The following NTRK2 variants were observed in gnomAD, a reference collection of about 807,000 sequenced individuals.
The protein encoded by NTRK2 is neurotrophic receptor tyrosine kinase 2.
A neutral mutation model predicts 94.5 loss-of-function variants in NTRK2; 13 were observed. The observed-to-expected ratio is 0.14, with a 90% CI of 0.09 to 0.22. The LOEUF (loss-of-function observed/expected upper bound fraction) is 0.22, where lower values mean the gene tolerates loss of function less well. NTRK2 is among the 10% of genes least tolerant of loss of function. The pLI is 1.00. For missense variants in NTRK2, 639 were observed against 1,071.2 expected (o/e 0.60, Z 5.63); for synonymous variants, 372 against 407.4 (o/e 0.91, Z 1.05).
chr9:85,021,807 G>C lies in NTRK2; in HGVS notation c.*370G>C, dbSNP rs1403481598. The C allele has an allele frequency of 1.9e-5, 6 of 312,312 alleles. No individual in the cohort carries two copies. Among genetic ancestry groups the C allele is most frequent in the Non-Finnish European group, 3.0e-5 (5 of 167,414 alleles). The allele number at this position is 312,312 out of a possible 1,614,324, so 19.3% of individuals were successfully genotyped here. On this transcript the variant is annotated 3_prime_UTR_variant, in exon 19 of 19. Transcript: ENST00000277120. ...TGCATAGACAAAGGCCTTAACAAACGTAATTTGTTATATCAGCAGACACTC... is the reference window on the plus strand; with the variant it reads ...TGCATAGACAAAGGCCTTAACAAACCTAATTTGTTATATCAGCAGACACTC...
At chr9:84,728,044 C>A in intron 9 of NTRK2, 85 bp downstream of exon 9, 1 of 1,263,166 alleles carries the variant, frequency 7.9e-7, no homozygotes, top group East Asian at 2.4e-5. Context: ...AATAAGCCAT[C>A]CCCCAACCTA....
intron 12 of NTRK2, chr9:84,813,882 A>G: frequency 9.4e-7 from 1 of 1,065,384 alleles, no homozygotes; most frequent in Non-Finnish European, 1.1e-6. Context: ...TATTATATTT[A>G]CTCATGGCTC....
At chr9:84,924,107 G>A (rs1587943682) in intron 14 of NTRK2, among the ~76,000 whole-genome samples, 1 of 152,096 alleles carries the variant, frequency 6.6e-6, no homozygotes, top group East Asian at 1.9e-4. Flanking sequence ...AGCTACTTGG[G>A]AGACTGAGGT....
At chr9:85,000,263 A>G (rs1043442630) in intron 17 of NTRK2, among the ~76,000 whole-genome samples, 1 of 152,130 alleles carries the variant, frequency 6.6e-6, no homozygotes, top group Non-Finnish European at 1.5e-5. Context: ...CCCAGAGTCC[A>G]TAGCTTACAT....
intron 12 of NTRK2, among the ~76,000 whole-genome samples, chr9:84,778,088 G>T (rs553274540): frequency 6.6e-6 from 1 of 152,180 alleles, no homozygotes; most frequent in East Asian, 1.9e-4. Flanking sequence ...ATGACAAAGC[G>T]CTGTCCCTAC....
chr9:84,684,444 A>G (rs1025469111), intron 2 of NTRK2, among the ~76,000 whole-genome samples: 1 of 152,202 alleles, frequency 6.6e-6, no homozygotes, highest in Non-Finnish European at 1.5e-5. Flanking sequence ...CATTTATTAA[A>G]CAGGGAATCC....
At chr9:84,845,674 A>G (rs2074433016) in intron 12 of NTRK2, among the ~76,000 whole-genome samples, 1 of 152,160 alleles carries the variant, frequency 6.6e-6, no homozygotes, top group Non-Finnish European at 1.5e-5. Context: ...AGGAATGAAA[A>G]ACCAAACACT....
intron 12 of NTRK2, among the ~76,000 whole-genome samples, chr9:84,787,408 T>C (rs1031686583): frequency 1.3e-5 from 2 of 152,144 alleles, no homozygotes; most frequent in African/African-American, 4.8e-5. Flanking sequence ...CTCAGTAGAC[T>C]CTAGACCCGG....
At chr9:84,946,407 A>G (rs141867316) in intron 15 of NTRK2, among the ~76,000 whole-genome samples, 10 of 152,312 alleles carry the variant, frequency 6.6e-5, no homozygotes, top group Non-Finnish European at 8.8e-5. Context: ...AGGGCTGGCA[A>G]TGCAGAAATG....
At chr9:84,685,863 TG>T (rs1361660537) in intron 2 of NTRK2, among the ~76,000 whole-genome samples, 4 of 152,222 alleles carry the variant, frequency 2.6e-5, no homozygotes, top group Non-Finnish European at 5.9e-5. Context: ...GTATCATCAG[TG>T]TGTGCCTGTG....
intron 14 of NTRK2, among the ~76,000 whole-genome samples, chr9:84,932,080 C>CG (rs2078057295): frequency 6.6e-6 from 1 of 152,188 alleles, no homozygotes; most frequent in African/African-American, 2.4e-5. Context: ...CATGAATTAT[C>CG]GGGGGGAAAG....
intron 14 of NTRK2, among the ~76,000 whole-genome samples, chr9:84,898,147 T>G (rs971592154): frequency 6.6e-6 from 1 of 152,132 alleles, no homozygotes; most frequent in Admixed American, 6.6e-5. Flanking sequence ...GGGAAATGAT[T>G]GTAGCTGATG....
Position 84,708,112 on chromosome 9 carries a change from A to G in NTRK2, c.428+200A>G, listed in dbSNP as rs144262215. 2.3e-3 allele frequency among the ~76,000 whole-genome samples: 354 copies of G among 152,384 alleles called. 3 individuals are homozygous for G. The highest frequency in any genetic ancestry group is 8.1e-3 in the African/African-American group (335 of 41,594). On this transcript the variant is annotated intron_variant, in intron 5 of 18. Coordinates refer to ENST00000277120, the MANE Select transcript of NTRK2 (RefSeq NM_006180.6). Reference sequence around the variant, plus strand: ...ATTTTTAAAATTCAGTAATTAAAAAAAATAGAAATCTCAGTAGTGACATAT... The same window carrying G: ...ATTTTTAAAATTCAGTAATTAAAAAGAATAGAAATCTCAGTAGTGACATAT...
At chr9:84,988,253 A>G (rs1588125946) in intron 17 of NTRK2, among the ~76,000 whole-genome samples, 1 of 152,212 alleles carries the variant, frequency 6.6e-6, no homozygotes, top group Admixed American at 6.5e-5. Context: ...ATAGGCTGCC[A>G]TGGCTGGAGG....
chr9:84,773,362 A>G (rs545781267), intron 12 of NTRK2, among the ~76,000 whole-genome samples: 1 of 152,358 alleles, frequency 6.6e-6, no homozygotes, highest in Admixed American at 6.5e-5. Context: ...TAATAAATAT[A>G]TAAGGGCTAT....
At chr9:84,925,528 C>T (rs574875991) in intron 14 of NTRK2, among the ~76,000 whole-genome samples, 2 of 152,228 alleles carry the variant, frequency 1.3e-5, no homozygotes, top group Admixed American at 1.3e-4. Context: ...CTGTCTTTCC[C>T]TGATTTTCCT....
At chr9:84,845,798 A>G (rs1469248659) in intron 12 of NTRK2, among the ~76,000 whole-genome samples, 1 of 152,166 alleles carries the variant, frequency 6.6e-6, no homozygotes, top group Admixed American at 6.5e-5. Context: ...GGTGAGGGAT[A>G]AAAGACAGCA....
chr9:84,813,752 A>G (rs1222025166), intron 12 of NTRK2: 1 of 1,065,930 alleles, frequency 9.4e-7, no homozygotes, highest in Non-Finnish European at 1.1e-6. Flanking sequence ...TATATCTGAC[A>G]CTAATTTCTT....
chr9:84,766,144 C>CT (rs1464861031), intron 12 of NTRK2, among the ~76,000 whole-genome samples: 2 of 152,072 alleles, frequency 1.3e-5, no homozygotes, highest in African/African-American at 4.8e-5. Flanking sequence ...GGCAAGAGGG[C>CT]TTTGCTGTGT....
Sources: allele counts gnomAD v4.1 joint callset (sites outside exome capture counted in the v4.1 genomes callset), GRCh38; gene constraint gnomAD v4.1.1; transcripts MANE v1.5; gene names NCBI Gene and HGNC (gene_info 2026-07-23, HGNC 2026-07-21).